ABCA4: variants seen among roughly 807,000 people sequenced by gnomAD.
The protein encoded by ABCA4 is ATP binding cassette subfamily A member 4.
Under a neutral mutation model 263.7 loss-of-function variants are expected in ABCA4, and 196 were observed. That is an observed-to-expected ratio of 0.74 (90% confidence interval 0.66 to 0.84). ABCA4 has a LOEUF of 0.84. Among genes scored for constraint, ABCA4 ranks in the 40% least tolerant of loss-of-function variants. ABCA4 has a pLI of 0.00. For missense variants in ABCA4, 2,792 were observed against 2,855.1 expected (o/e 0.98, Z 0.50); for synonymous variants, 1,133 against 1,094.2 (o/e 1.04, Z -0.70).
At position 94,043,771 on chromosome 1, in the gene ABCA4, C is replaced by CT. The variant is rs4147890; in HGVS notation, c.3051-297dup. On this transcript the variant is annotated intron_variant, in intron 20 of 49. Coordinates refer to ENST00000370225, the MANE Select transcript of ABCA4 (RefSeq NM_000350.3). Reference sequence around the variant, plus strand: ...ATATCTTATGTTTAAAAAAGCAATCCTTTTTTTTGAAAAAAAAGTCAGGTT... The same window carrying CT: ...ATATCTTATGTTTAAAAAAGCAATCCTTTTTTTTTGAAAAAAAAGTCAGGTT... Among the ~76,000 whole-genome samples the CT allele has an allele frequency of 0.52, 79,011 of 151,398 alleles. 21,119 individuals are homozygous for CT. Among genetic ancestry groups the CT allele is most frequent in the East Asian group, 0.76 (3,933 of 5,154 alleles).
intron 1 of ABCA4, among the ~76,000 whole-genome samples, chr1:94,117,974 T>C (rs1662847605): frequency 6.6e-6 from 1 of 152,216 alleles, no homozygotes; most frequent in South Asian, 2.1e-4. Context: ...GATTGGATGA[T>C]AAATTATATG....
chr1:94,021,282 T>C lies in ABCA4; in HGVS notation c.4976A>G (p.Gln1659Arg). ...CTGCTCCTTGGTCAGGTTCAGGGGT[T>C]GGCTAATGACGGTGATTCCATACTC... ...PEEYGITVIS[Q>R]PLNLTKEQLS... Residue 1659 changes from glutamine (Q) to arginine (R), a missense_variant, in exon 35 of 50, where the codon CAA becomes CGA. Coordinates refer to ENST00000370225, the MANE Select transcript of ABCA4 (RefSeq NM_000350.3). 6.2e-7 allele frequency: 1 copy of C among 1,614,230 alleles called. No homozygotes were observed. Among genetic ancestry groups the C allele is most frequent in the Non-Finnish European group, 8.5e-7 (1 of 1,180,044 alleles).
chr1:94,069,383 C>T (rs755404006), intron 11 of ABCA4, among the ~76,000 whole-genome samples: 2 of 152,164 alleles, frequency 1.3e-5, no homozygotes, highest in African/African-American at 2.4e-5. Flanking sequence ...CCTGTGCTGA[C>T]GTGGCATAAG....
intron 5 of ABCA4, 23 bp from the exon 6 acceptor site, chr1:94,099,014 T>C: frequency 6.3e-7 from 1 of 1,594,758 alleles, no homozygotes; most frequent in East Asian, 2.2e-5. Context: ...GAGGCAACAC[T>C]AGAAACTGCC....
chr1:94,010,007 A>T (rs1366265718), intron 40 of ABCA4, among the ~76,000 whole-genome samples: 4 of 152,228 alleles, frequency 2.6e-5, no homozygotes, highest in Non-Finnish European at 4.4e-5. Flanking sequence ...AGAAAGGCAG[A>T]TTCATTTCCA....
Position 94,120,967 on chromosome 1 carries a change from C to T in ABCA4, c.66+13G>A. The T allele has an allele frequency of 6.8e-7, 1 of 1,469,774 alleles. No individual in the cohort carries two copies. Among genetic ancestry groups the T allele is most frequent in the Non-Finnish European group, 9.2e-7 (1 of 1,089,398 alleles). The allele number at this position is 1,469,774 out of a possible 1,614,324, so 91.0% of individuals were successfully genotyped here. ...CCACACCTCATTTTTAAACCACAGACAGTAACTGTTACCTTTTGCCTTTTC... is the reference window on the plus strand; with the variant it reads ...CCACACCTCATTTTTAAACCACAGATAGTAACTGTTACCTTTTGCCTTTTC... On this transcript the variant is annotated intron_variant, in intron 1 of 49. Transcript: ENST00000370225.
At chr1:94,120,691 G>C (rs948982120) in intron 1 of ABCA4, among the ~76,000 whole-genome samples, 1 of 151,702 alleles carries the variant, frequency 6.6e-6, no homozygotes, top group Non-Finnish European at 1.5e-5. Flanking sequence ...GTGTAAAACG[G>C]GGGGTGGGGG....
At chr1:94,113,352 G>T (rs534477867) in intron 1 of ABCA4, among the ~76,000 whole-genome samples, 2 of 152,224 alleles carry the variant, frequency 1.3e-5, no homozygotes, top group African/African-American at 2.4e-5. Flanking sequence ...AAGATCATCT[G>T]CTTCAGTGCA....
Position 94,049,171 on chromosome 1 carries a change from C to G in ABCA4, c.2654-214G>C, listed in dbSNP as rs1168303863. Among the ~76,000 whole-genome samples, 3 of 152,186 alleles carry G rather than the reference C, an allele frequency of 2.0e-5. No individual in the cohort carries two copies. In the East Asian group the frequency reaches 5.8e-4, roughly 29 times the overall value. ...GACTTGGAGAGTTTCACCTCCTCCT[C>G]TCAATGTGCCATGAGGAGCCCACAG... On this transcript the variant is annotated intron_variant, in intron 17 of 49. Coordinates refer to ENST00000370225, the MANE Select transcript of ABCA4 (RefSeq NM_000350.3).
At position 93,996,131 on chromosome 1, in the gene ABCA4, G is replaced by A; in HGVS notation, c.6794C>T (p.Ala2265Val). Residue 2265 changes from alanine to valine, a missense_variant, in exon 49 of 50, where the codon GCT (alanine) becomes GTT (valine). Transcript: ENST00000370225. ...SHDLPLHPRA[A>V]GASRQAQD ...TACCTGGGCTTGTCGACTGGCTCCA[G>A]CAGCTCGAGGGTGCAGAGGGAGGTC... 6.2e-7 allele frequency: 1 copy of A among 1,614,012 alleles called. No individual in the cohort carries two copies. The highest frequency in any genetic ancestry group is 1.1e-5 in the South Asian group (1 of 91,084).
rs546067089 is a variant in ABCA4 at position 94,048,899 on chromosome 1, C to T, written c.2712G>A (p.Thr904=). 4.7e-5 allele frequency: 76 copies of T among 1,614,128 alleles called. No homozygotes were observed. The highest frequency in any genetic ancestry group is 8.8e-5 in the South Asian group (8 of 91,070). The change falls in exon 18 of 50, where the codon ACG becomes ACA. Residue 904 remains threonine, a synonymous_variant. Coordinates refer to ENST00000370225, the MANE Select transcript of ABCA4 (RefSeq NM_000350.3). ...TTCCTTCTGGGTGCTCTGGATCCTC[C>T]GTTTCCTCTGTTAGGGGCTCGGTCT... is the stretch of plus-strand genomic sequence containing the variant. The part of the protein sequence containing the change: ...LEKTEPLTEE[T]EDPEHPEGIH...
chr1:94,028,779 G>A (rs60759501), intron 30 of ABCA4, among the ~76,000 whole-genome samples: 4,430 of 151,838 alleles, frequency 0.029, 201 homozygotes, highest in African/African-American at 0.1. Context: ...GCATGATGGT[G>A]CATGCCTGTA....
chr1:94,069,554 G>A (rs374484968), intron 11 of ABCA4, among the ~76,000 whole-genome samples: 2 of 152,202 alleles, frequency 1.3e-5, no homozygotes, highest in African/African-American at 2.4e-5. Context: ...GAATGCCAGC[G>A]GAGGGCTCAA....
rs746190044 is a variant in ABCA4, at chr1:94,060,526, A to G, written c.2160+11T>C. On this transcript the variant is annotated intron_variant, in intron 14 of 49. Transcript: ENST00000370225. ...ATTCAAGATTTTCTGGGCCTTCTCC[A>G]TTTGGCTTACCATGATGAATATCGT... is the stretch of plus-strand genomic sequence containing the variant. 3.7e-6 allele frequency: 6 copies of G among 1,612,472 alleles called. No individual in the cohort carries two copies. Among genetic ancestry groups the G allele is most frequent in the Non-Finnish European group, 4.2e-6 (5 of 1,179,314 alleles).
rs4147874 is a variant in ABCA4, at chr1:94,116,259, GT to G, written c.67-3194del. ...CCTCTTCTCATCCTTGAATTAGGCT[GT>G]TTTTTTTTGCCTATAGTCCCCGCCC... On this transcript the variant is annotated intron_variant, in intron 1 of 49. Coordinates refer to ENST00000370225, the MANE Select transcript of ABCA4 (RefSeq NM_000350.3). Among the ~76,000 whole-genome samples the G allele has an allele frequency of 3.8e-3, 567 of 149,998 alleles. 2 individuals are homozygous for G. The highest frequency in any genetic ancestry group is 0.013 in the African/African-American group (543 of 40,742).
chr1:94,103,914 T>C (rs1662351123), intron 4 of ABCA4, among the ~76,000 whole-genome samples: 1 of 152,160 alleles, frequency 6.6e-6, no homozygotes, highest in Non-Finnish European at 1.5e-5. Context: ...AGGGTTTCTT[T>C]ATAAGGAGGC....
intron 28 of ABCA4, 138 bp downstream of exon 28, chr1:94,030,858 G>A: frequency 7.6e-7 from 1 of 1,323,076 alleles, no homozygotes; most frequent in Non-Finnish European, 1.1e-6. Flanking sequence ...GTTCCTTTCT[G>A]CAGGCAGCCC....
In ABCA4 at chr1:94,098,093, C is replaced by T. The variant is rs1662179808; in HGVS notation, c.768+701G>A. On this transcript the variant is annotated intron_variant, in intron 6 of 49. Coordinates refer to ENST00000370225, the MANE Select transcript of ABCA4 (RefSeq NM_000350.3). ...TTTATGCACTTTGCAGTGTGAAAAC[C>T]TCTGCTCTACACCTCCTTTATCTAA... Among the ~76,000 whole-genome samples the T allele has an allele frequency of 2.0e-5, 3 of 152,192 alleles. No individual in the cohort carries two copies. In the South Asian group the frequency reaches 6.2e-4, roughly 32 times the overall value.
intron 5 of ABCA4, 126 bp downstream of exon 5, chr1:94,102,889 T>A (rs928813634): frequency 7.4e-7 from 1 of 1,359,352 alleles, no homozygotes; most frequent in African/African-American, 1.4e-5. Context: ...ATACAAGGCA[T>A]TAAGTGATGG....
Sources: allele counts gnomAD v4.1 joint callset (sites outside exome capture counted in the v4.1 genomes callset), GRCh38; gene constraint gnomAD v4.1.1; transcripts MANE v1.5; gene names NCBI Gene and HGNC (gene_info 2026-07-23, HGNC 2026-07-21).